UTP4: variants seen among roughly 807,000 people sequenced by gnomAD.
UTP4 encodes the protein UTP4 small subunit processome component, also known as U3 small nucleolar RNA-associated protein 4 homolog.
UTP4 carries 45 observed loss-of-function variants against 82.4 expected under a neutral mutation model. That is an observed-to-expected ratio of 0.55 (90% CI 0.43 to 0.70). UTP4 has a LOEUF of 0.70. UTP4 is among the 30% of genes least tolerant of loss of function. The pLI, the probability that UTP4 is intolerant of heterozygous loss-of-function variation, is 0.00. For synonymous variants in UTP4, 348 were observed against 300.3 expected (o/e 1.16, Z -1.64); for missense variants, 819 against 858.3 (o/e 0.95, Z 0.57).
intron 6 of UTP4, among the ~76,000 whole-genome samples, chr16:69,147,434 G>A (rs996016621): frequency 4.1e-4 from 62 of 152,012 alleles, no homozygotes; most frequent in African/African-American, 1.4e-3. Flanking sequence ...GAACCAGGGA[G>A]GCGGAGGTTG....
At chr16:69,144,173 C>A (rs1377136575) in intron 6 of UTP4, among the ~76,000 whole-genome samples, 1 of 151,628 alleles carries the variant, frequency 6.6e-6, no homozygotes, top group East Asian at 1.9e-4. Flanking sequence ...CAGGTGTGAG[C>A]CACTGTGCCT....
In UTP4 at chr16:69,155,856, T is replaced by C; in HGVS notation, c.1165-15T>C. ...AGTTTAATTGCACATTCATCTTGAT[T>C]CCTGATATTGCCAGGGTCCTGAGAA... On this transcript the variant is annotated splice_polypyrimidine_tract_variant and intron_variant, in intron 10 of 16. Coordinates refer to ENST00000314423, the MANE Select transcript of UTP4 (RefSeq NM_032830.3). 6.2e-7 allele frequency: 1 copy of C among 1,614,200 alleles called. No individual in the cohort carries two copies.
In UTP4 at chr16:69,154,476, G is replaced by A. The variant is rs201981850; in HGVS notation, c.1164+19G>A. 492 of 1,582,760 alleles carry A rather than the reference G, an allele frequency of 3.1e-4. 1 individual carries two copies. Among genetic ancestry groups the A allele is most frequent in the Middle Eastern group, 1.3e-3 (8 of 6,000 alleles). ...GACAAAGGTAAGGAAGTTTGTTTAG[G>A]CTCTGAATTCTAGAGCCTGAATTCT... On this transcript the variant is annotated intron_variant, in intron 10 of 16. Transcript: ENST00000314423.
rs1406888375 is a variant in UTP4 at position 69,168,712 on chromosome 16, C to T, written c.1945-109C>T. 1.8e-4 allele frequency: 145 copies of T among 799,744 alleles called. No individual in the cohort carries two copies. In the East Asian group the frequency reaches 3.4e-3, roughly 19 times the overall value. The allele number at this position is 799,744 out of a possible 1,614,324, so 49.5% of individuals were successfully genotyped here. On this transcript the variant is annotated intron_variant, in intron 16 of 16. Coordinates refer to ENST00000314423, the MANE Select transcript of UTP4 (RefSeq NM_032830.3). Reference sequence around the variant, plus strand: ...GTCAAGAAATTTAAATCATTTGAGCCTTGAACTAGGCTAACCTTTTAGCTT... The same window carrying T: ...GTCAAGAAATTTAAATCATTTGAGCTTTGAACTAGGCTAACCTTTTAGCTT...
At chr16:69,154,854 A>G (rs945037665) in intron 10 of UTP4, among the ~76,000 whole-genome samples, 6 of 152,030 alleles carry the variant, frequency 3.9e-5, no homozygotes, top group Non-Finnish European at 8.8e-5. Context: ...TTAGCCCCCC[A>G]AGTAGCTGGG....
At chr16:69,149,747 A>T (rs1315122294) in intron 6 of UTP4, among the ~76,000 whole-genome samples, 3 of 151,334 alleles carry the variant, frequency 2.0e-5, no homozygotes, top group Admixed American at 6.6e-5. Flanking sequence ...TTCTTTTTTT[A>T]AGCCAGAGTC....
intron 2 of UTP4, among the ~76,000 whole-genome samples, chr16:69,135,207 A>G (rs1228716519): frequency 2.0e-5 from 3 of 152,076 alleles, no homozygotes; most frequent in Non-Finnish European, 4.4e-5. Context: ...AGCGCCTCCT[A>G]CAAAGCCACT....
In UTP4 at chr16:69,163,023, A is replaced by G. The variant is rs1000890723; in HGVS notation, c.1552-60A>G. 3 of 1,299,504 alleles carry G rather than the reference A, an allele frequency of 2.3e-6. No homozygotes were observed. The African/African-American group carries it at 4.4e-5, about 19-fold the overall frequency. 80.5% of individuals were successfully genotyped at this position (1,299,504 alleles called of 1,614,324 possible). ...TTAAACCCCTGACCTAGACCATTCA[A>G]TCTTTGCTGAGGAAAAGTGTCACTT... On this transcript the variant is annotated intron_variant, in intron 13 of 16. Transcript: ENST00000314423.
In UTP4 at chr16:69,167,182, T is replaced by C. The variant is rs764281112; in HGVS notation, c.1941T>C (p.Tyr647=). Residue 647 remains tyrosine (Y), a synonymous_variant, in exon 16 of 17, where the codon TAT becomes TAC. Coordinates refer to ENST00000314423, the MANE Select transcript of UTP4 (RefSeq NM_032830.3). ...TAHAFKISKI[Y]KPLLFMDLLD... is the part of the protein sequence containing the mutation. ...ATGCTTTTAAAATTTCTAAGATATA[T>C]AAGGTAAAACATCTTGTGTTGTTAT... is the stretch of plus-strand genomic sequence containing the variant. 4 of 1,584,602 alleles carry C rather than the reference T, an allele frequency of 2.5e-6. No individual in the cohort carries two copies. The highest frequency in any genetic ancestry group is 1.7e-5 in the Admixed American group (1 of 59,990).
intron 1 of UTP4, among the ~76,000 whole-genome samples, chr16:69,133,230 G>A (rs1300072222): frequency 6.6e-6 from 1 of 151,904 alleles, no homozygotes; most frequent in African/African-American, 2.4e-5. Flanking sequence ...TATGGAGTAG[G>A]ACCCTTTTTG....
chr16:69,146,909 A>T (rs1446994037), intron 6 of UTP4, among the ~76,000 whole-genome samples: 2 of 149,754 alleles, frequency 1.3e-5, no homozygotes, highest in Admixed American at 1.3e-4. Context: ...AGGCTGAGGC[A>T]GGAGAATGGC....
chr16:69,157,136 A>G lies in UTP4; in HGVS notation c.1340A>G (p.Glu447Gly), dbSNP rs1402622153. Residue 447 changes from glutamate to glycine, a missense_variant, in exon 12 of 17, where the codon GAA (glutamate) becomes GGA (glycine). Physicochemically the swap from Glu to Gly is moderately conservative, Grantham distance 98 (BLOSUM62 -2). Coordinates refer to ENST00000314423, the MANE Select transcript of UTP4 (RefSeq NM_032830.3). ...TCTGCCCTTCAGATTTTGTTTTCTG[A>G]AGATTCAACAAAGCTCTTTGTAGCA... The part of the protein sequence containing the change: ...LRSALQILFS[E>G]DSTKLFVASN... The G allele has an allele frequency of 6.2e-7, 1 of 1,614,082 alleles. No homozygotes were observed. Among genetic ancestry groups the G allele is most frequent in the Non-Finnish European group, 8.5e-7 (1 of 1,180,052 alleles).
intron 6 of UTP4, among the ~76,000 whole-genome samples, chr16:69,147,181 T>C (rs1328766757): frequency 1.8e-4 from 14 of 77,812 alleles, no homozygotes; most frequent in Non-Finnish European, 2.9e-4. Context: ...CAGCTCAAAA[T>C]AATAATAATA....
chr16:69,152,864 T>G (rs934428451), intron 8 of UTP4, among the ~76,000 whole-genome samples: 7 of 152,118 alleles, frequency 4.6e-5, no homozygotes, highest in African/African-American at 1.4e-4. Flanking sequence ...TCTCAAGCAA[T>G]CCTCGCACCT....
intron 5 of UTP4, among the ~76,000 whole-genome samples, chr16:69,142,479 A>C (rs1385536587): frequency 1.3e-5 from 2 of 152,098 alleles, no homozygotes; most frequent in Non-Finnish European, 2.9e-5. Flanking sequence ...CCACCTTCTT[A>C]GTCAGGGCAT....
In UTP4 at chr16:69,168,875, C is replaced by A; in HGVS notation, c.1999C>A (p.Pro667Thr). 1 of 1,614,016 alleles carries A rather than the reference C, an allele frequency of 6.2e-7. No homozygotes were observed. Among genetic ancestry groups the A allele is most frequent in the Non-Finnish European group, 8.5e-7 (1 of 1,179,952 alleles). The change falls in exon 17 of 17, where the codon CCT (proline) becomes ACT (threonine). Residue 667 changes from proline (P) to threonine (T), a missense_variant. Transcript: ENST00000314423. ...DERTLVAVER[P>T]LDDIIAQLPP... ...AAGAACACTCGTGGCAGTAGAACGG[C>A]CTCTGGATGACATCATTGCTCAGCT... is the stretch of plus-strand genomic sequence containing the variant.
chr16:69,165,368 C>A lies in UTP4; in HGVS notation c.1675C>A (p.Gln559Lys), dbSNP rs752176075. 2.5e-6 allele frequency: 4 copies of A among 1,614,160 alleles called. No homozygotes were observed. The East Asian group carries it at 6.7e-5, about 27-fold the overall frequency. The change falls in exon 15 of 17, where the codon CAG (glutamine) becomes AAG (lysine). Residue 559 changes from glutamine to lysine, a missense_variant. Coordinates refer to ENST00000314423, the MANE Select transcript of UTP4 (RefSeq NM_032830.3). Reference sequence around the variant, plus strand: ...ATTTGAGTACAGCATCCCAGACAAACAGTATACAGATTGGAGCCGGACTGT... The same window carrying A: ...ATTTGAGTACAGCATCCCAGACAAAAAGTATACAGATTGGAGCCGGACTGT... The part of the protein sequence containing the change: ...QVFEYSIPDK[Q>K]YTDWSRTVQK...
At chr16:69,158,161 CTTTTTTTTTTTT>C (rs34392768) in intron 12 of UTP4, among the ~76,000 whole-genome samples, 23 of 40,446 alleles carry the variant, frequency 5.7e-4, no homozygotes, top group Admixed American at 1.5e-3. Flanking sequence ...AAAGTCAACT[CTTTTTTTTTTTT>C]TTTTTTTTTT....
At chr16:69,136,588 A>T (rs930702860) in intron 2 of UTP4, 108 bp from the exon 3 acceptor site, 1 of 1,025,012 alleles carries the variant, frequency 9.8e-7, no homozygotes, top group African/African-American at 1.6e-5. Flanking sequence ...ACAAAACCCC[A>T]CACTAGTTAT....
Sources: gnomAD v4.1 joint callset for allele counts (sites outside exome capture counted in the v4.1 genomes callset) on GRCh38, gnomAD v4.1.1 for gene constraint, MANE v1.5 for transcripts, NCBI Gene and HGNC (gene_info 2026-07-23, HGNC 2026-07-21) for gene names.